The following TMEM51 variants were observed in gnomAD, a reference collection of about 807,000 sequenced individuals.
TMEM51 encodes the protein transmembrane protein 51, also known as chromosome 1 open reading frame 72.
In TMEM51, 8 loss-of-function variants were observed where a neutral mutation model predicts 13.6. That is an observed-to-expected ratio of 0.59 (90% CI 0.35 to 1.07). The LOEUF is 1.07. Among genes scored for constraint, TMEM51 ranks in the 50% least tolerant of loss-of-function variants. The pLI is 0.02. For synonymous variants in TMEM51, 147 were observed against 144.4 expected, an observed-to-expected ratio of 1.02 and a Z score of -0.13; for missense variants, 279 against 330.7, an observed-to-expected ratio of 0.84 and a Z score of 1.21.
chr1:15,200,231 T>C (rs541755338), intron 1 of TMEM51, among the ~76,000 whole-genome samples: 34 of 151,744 alleles, frequency 2.2e-4, no homozygotes, highest in African/African-American at 8.0e-4. Context: ...GCCTGGGCCA[T>C]ACTGGGAGAC....
At chr1:15,206,735 ATTC>A (rs982430477) in intron 1 of TMEM51, among the ~76,000 whole-genome samples, 2 of 152,108 alleles carry the variant, frequency 1.3e-5, no homozygotes, top group African/African-American at 4.8e-5. Flanking sequence ...TGTTACCATT[ATTC>A]TTCTTACCCT....
intron 1 of TMEM51, among the ~76,000 whole-genome samples, chr1:15,197,954 CAAAAAAAAA>C (rs34377131): frequency 8.3e-5 from 8 of 96,234 alleles, no homozygotes; most frequent in Non-Finnish European, 8.2e-5. Flanking sequence ...CTATACATGA[CAAAAAAAAA>C]AAAAAAAAAG....
chr1:15,215,739 C>A (rs745608226), intron 3 of TMEM51, among the ~76,000 whole-genome samples: 12 of 152,158 alleles, frequency 7.9e-5, no homozygotes, highest in Non-Finnish European at 1.2e-4. Flanking sequence ...AAAATACTGT[C>A]TTTTGGGCCA....
chr1:15,180,153 A>T (rs990945307), intron 1 of TMEM51, among the ~76,000 whole-genome samples: 5 of 152,132 alleles, frequency 3.3e-5, no homozygotes, highest in Non-Finnish European at 7.3e-5. Context: ...GCACCACCAG[A>T]CACTAATTGC....
chr1:15,165,435 G>A (rs928259389), intron 1 of TMEM51, among the ~76,000 whole-genome samples: 1 of 152,164 alleles, frequency 6.6e-6, no homozygotes, highest in African/African-American at 2.4e-5. Flanking sequence ...AATCTAAAAT[G>A]TTTTAAAAGT....
intron 1 of TMEM51, among the ~76,000 whole-genome samples, chr1:15,166,745 G>A (rs181258274): frequency 6.6e-6 from 1 of 151,926 alleles, no homozygotes; most frequent in Admixed American, 6.6e-5. Context: ...GAAAATACTC[G>A]CCCAGCATTG....
chr1:15,210,809 G>C (rs1644326762), intron 2 of TMEM51, among the ~76,000 whole-genome samples: 1 of 152,124 alleles, frequency 6.6e-6, no homozygotes. Flanking sequence ...ATTTTTAAAA[G>C]GAAAAGAACA....
In TMEM51 at chr1:15,197,634, C is replaced by T. The variant is rs1478718717; in HGVS notation, c.-266-12856C>T. 2.7e-5 allele frequency among the ~76,000 whole-genome samples: 4 copies of T among 150,680 alleles called. No individual in the cohort carries two copies. In the Admixed American group the frequency reaches 2.7e-4, roughly 10 times the overall value. On this transcript the variant is annotated intron_variant, in intron 1 of 3. Coordinates refer to ENST00000376008, the MANE Select transcript of TMEM51 (RefSeq NM_001136218.2). ...CATTCCTGCTAAGTGTGTGTTGTGACCAGTGCTCCGATTATGGGCACAGGC... is the reference window on the plus strand; with the variant it reads ...CATTCCTGCTAAGTGTGTGTTGTGATCAGTGCTCCGATTATGGGCACAGGC...
intron 3 of TMEM51, among the ~76,000 whole-genome samples, chr1:15,218,020 G>A (rs561793151): frequency 1.3e-5 from 2 of 152,320 alleles, no homozygotes; most frequent in South Asian, 2.1e-4. Context: ...ATTCCTAAAG[G>A]AGGGTGGGAG....
chr1:15,167,093 C>T (rs1281929861), intron 1 of TMEM51, among the ~76,000 whole-genome samples: 5 of 151,970 alleles, frequency 3.3e-5, no homozygotes, highest in Admixed American at 6.6e-5. Context: ...TTTGGGAGGC[C>T]GAGGCGGGCA....
chr1:15,216,856 T>C (rs1644440127), intron 3 of TMEM51, among the ~76,000 whole-genome samples: 1 of 152,224 alleles, frequency 6.6e-6, no homozygotes, highest in South Asian at 2.1e-4. Flanking sequence ...GGTCAGGTTA[T>C]GGTCCCATCA....
At position 15,153,766 on chromosome 1, in the gene TMEM51, C is replaced by G. The variant is rs1382372866; in HGVS notation, c.-455C>G. 6.6e-6 allele frequency: 1 copy of G among 152,084 alleles called. No individual in the cohort carries two copies. The highest frequency in any genetic ancestry group is 2.0e-4 in the East Asian group (1 of 5,108). The allele number at this position is 152,084 out of a possible 1,614,324, so 9.4% of individuals were successfully genotyped here. A position where few individuals can be genotyped will look rare whatever the true frequency, so the allele number is the denominator to read the frequency against. The stretch of plus-strand genomic sequence containing the variant: ...GCTCCCAGGCCGCGCTTCCTGCGTC[C>G]CCAACCCGGTCCCTGAGAGGGCAGT... On this transcript the variant is annotated 5_prime_UTR_variant, in exon 1 of 4. Transcript: ENST00000376008.
At chr1:15,208,415 G>A (rs2100337351) in intron 1 of TMEM51, among the ~76,000 whole-genome samples, 1 of 152,222 alleles carries the variant, frequency 6.6e-6, no homozygotes, top group Middle Eastern at 3.4e-3. Context: ...TTGAGGCCAG[G>A]AGTTCAAGAC....
At chr1:15,190,034 C>T (rs559249052) in intron 1 of TMEM51, among the ~76,000 whole-genome samples, 1 of 152,360 alleles carries the variant, frequency 6.6e-6, no homozygotes, top group East Asian at 1.9e-4. Context: ...ATTAGCAAAC[C>T]TCTGCTTCTG....
chr1:15,206,627 T>TGTGTTTAGGAATCGGGTGAGTTTA (rs1553203503), intron 1 of TMEM51, among the ~76,000 whole-genome samples: 6,877 of 152,184 alleles, frequency 0.045, 363 homozygotes, highest in East Asian at 0.28. Flanking sequence ...CCTTGAAGGG[T>TGTGTTTAGGAATCGGGTGAGTTTA]GGCCGTGAGG....
intron 1 of TMEM51, chr1:15,191,873 CT>C (rs55870442): frequency 0.79 from 414,030 of 521,168 alleles, 165,278 homozygotes; most frequent in East Asian, 0.96. Context: ...CAGTAATTGA[CT>C]TACGTGACCA....
At chr1:15,186,010 C>T (rs1643761420) in intron 1 of TMEM51, among the ~76,000 whole-genome samples, 1 of 152,208 alleles carries the variant, frequency 6.6e-6, no homozygotes, top group African/African-American at 2.4e-5. Context: ...AATGAGGGCT[C>T]CAACAGCTGG....
chr1:15,172,589 C>T (rs759523725), intron 1 of TMEM51, among the ~76,000 whole-genome samples: 23 of 152,142 alleles, frequency 1.5e-4, no homozygotes, highest in Non-Finnish European at 2.6e-4. Context: ...GGTTCCACCA[C>T]GTGCCAGCTT....
intron 1 of TMEM51, among the ~76,000 whole-genome samples, chr1:15,159,484 C>T (rs1281260902): frequency 1.3e-5 from 2 of 152,220 alleles, no homozygotes; most frequent in African/African-American, 4.8e-5. Context: ...CTGAGATGCA[C>T]AAAGCATTAA....
Sources: allele counts gnomAD v4.1 joint callset (sites outside exome capture counted in the v4.1 genomes callset), GRCh38; gene constraint gnomAD v4.1.1; transcripts MANE v1.5; gene names NCBI Gene and HGNC (gene_info 2026-07-23, HGNC 2026-07-21).